AGAP3: variants seen among roughly 807,000 people sequenced by gnomAD.
AGAP3 encodes the protein ArfGAP with GTPase domain, ankyrin repeat and PH domain 3, also known as arf-GAP with GTPase, ANK repeat and PH domain-containing protein 3.
Under a neutral mutation model 96.9 loss-of-function variants are expected in AGAP3, and 24 were observed. That is an observed-to-expected ratio of 0.25 (90% CI 0.18 to 0.35). The LOEUF is 0.35. AGAP3 is among the 10% of genes least tolerant of loss of function. The pLI is 1.00. For missense variants in AGAP3, 876 were observed against 1,254.2 expected (o/e 0.70, Z 4.55); for synonymous variants, 563 against 536.1 (o/e 1.05, Z -0.69).
In AGAP3 at chr7:151,142,678, G is replaced by A. The variant is rs769329146; in HGVS notation, c.2273+44G>A. 1.5e-5 allele frequency: 23 copies of A among 1,574,744 alleles called. No individual in the cohort carries two copies. The highest frequency in any genetic ancestry group is 2.2e-4 in the Middle Eastern group (1 of 4,500). ...GGAGCTGGCCAGGAATGGGGGAAGC[G>A]TTGGGGGCTCCCAGCATGGGGAAGA... On this transcript the variant is annotated intron_variant, in intron 16 of 17. Coordinates refer to ENST00000397238, the MANE Select transcript of AGAP3 (RefSeq NM_031946.7). This position sits in a 1 kb window ranked among gnomAD's most constrained non-coding sequence, Gnocchi z 7.5.
intron 11 of AGAP3, among the ~76,000 whole-genome samples, chr7:151,135,038 T>A (rs1490048987): frequency 1.3e-5 from 2 of 152,086 alleles, no homozygotes; most frequent in Non-Finnish European, 2.9e-5. Flanking sequence ...TTAGACAGGA[T>A]CTGGAGGCAA....
At chr7:151,120,169 G>A (rs771446520) in intron 8 of AGAP3, 24 bp downstream of exon 8, 9 of 1,568,782 alleles carry the variant, frequency 5.7e-6, no homozygotes, top group East Asian at 4.5e-5. Context: ...CTCCTCCCCC[G>A]CCCAGCTGCC....
At position 151,144,010 on chromosome 7, in the gene AGAP3, C is replaced by T. The variant is rs879846770; in HGVS notation, c.*67C>T. On this transcript the variant is annotated 3_prime_UTR_variant, in exon 18 of 18. Transcript: ENST00000397238. ...CCAAAGACCCTCCTCCCTGCAGGCA[C>T]TGTGGGAACAGACACAGAGATGGAG... The T allele has an allele frequency of 2.6e-5, 38 of 1,477,192 alleles. No homozygotes were observed. The highest frequency in any genetic ancestry group is 6.0e-5 in the South Asian group (5 of 83,078). The allele number at this position is 1,477,192 out of a possible 1,614,324, so 91.5% of individuals were successfully genotyped here. A position where few individuals can be genotyped will look rare whatever the true frequency, so the allele number is the denominator to read the frequency against.
intron 10 of AGAP3, 103 bp downstream of exon 10, chr7:151,128,787 G>C (rs1800286555): frequency 1.0e-6 from 1 of 974,602 alleles, no homozygotes; most frequent in Non-Finnish European, 1.6e-6. Flanking sequence ...ACGGGAAGCA[G>C]ACCTTAGTGA....
chr7:151,103,724 G>C (rs1032369620), intron 1 of AGAP3, among the ~76,000 whole-genome samples: 2 of 152,132 alleles, frequency 1.3e-5, no homozygotes, highest in African/African-American at 4.8e-5. Flanking sequence ...CTTCCCCAGC[G>C]ATGCCTGAAA....
Position 151,143,353 on chromosome 7 carries a change from A to G in AGAP3, c.2286A>G (p.Glu762=). The change falls in exon 17 of 18, where the codon GAA becomes GAG. Residue 762 remains glutamate (E), a synonymous_variant. Coordinates refer to ENST00000397238, the MANE Select transcript of AGAP3 (RefSeq NM_031946.7). This position sits in a 1 kb window ranked among gnomAD's most constrained non-coding sequence, Gnocchi z 5.9. The stretch of plus-strand genomic sequence containing the variant: ...CCTGTGGTTGCAGAGAGGAGAAGGA[A>G]CGCTGGATACGGGCCAAGTATGAAC... ...PGPDACREEK[E]RWIRAKYEQK... 1 of 1,611,800 alleles carries G rather than the reference A, an allele frequency of 6.2e-7. No individual in the cohort carries two copies. Among genetic ancestry groups the G allele is most frequent in the Non-Finnish European group, 8.5e-7 (1 of 1,178,426 alleles).
chr7:151,087,232 CG>C (rs1244136054), intron 1 of AGAP3, 160 bp downstream of exon 1: 3 of 739,520 alleles, frequency 4.1e-6, no homozygotes, highest in African/African-American at 1.8e-5. Flanking sequence ...GCAGAACCGG[CG>C]GGCAGCTTCG....
intron 1 of AGAP3, among the ~76,000 whole-genome samples, chr7:151,109,201 AAAC>A (rs1207201845): frequency 2.0e-5 from 3 of 151,406 alleles, no homozygotes; most frequent in Non-Finnish European, 4.4e-5. Flanking sequence ...AAAACAAAGA[AAAC>A]AAAGAAAAAA....
Position 151,138,315 on chromosome 7 carries a change from T to C in AGAP3, c.1666+2T>C, listed in dbSNP as rs996319556. Reference sequence around the variant, plus strand: ...TGCCCCCAGGCATGCAGCACCCTGGTGAGTGGTGGCTCTGCTGCTTCCCAC... The same window carrying C: ...TGCCCCCAGGCATGCAGCACCCTGGCGAGTGGTGGCTCTGCTGCTTCCCAC... On this transcript the variant is annotated splice_donor_variant, in intron 12 of 17. Transcript: ENST00000397238. LOFTEE classifies it high-confidence loss of function. 6.2e-7 allele frequency: 1 copy of C among 1,608,040 alleles called. No homozygotes were observed. Among genetic ancestry groups the C allele is most frequent in the Non-Finnish European group, 8.5e-7 (1 of 1,176,936 alleles).
At chr7:151,111,125 G>GC (rs1481828152) in intron 1 of AGAP3, among the ~76,000 whole-genome samples, 2 of 152,202 alleles carry the variant, frequency 1.3e-5, no homozygotes, top group Non-Finnish European at 2.9e-5. Context: ...TCTTGGTGTG[G>GC]CCCCCACTGC....
In AGAP3 at chr7:151,118,081, C is replaced by T. The variant is rs180977569; in HGVS notation, c.707-129C>T. On this transcript the variant is annotated intron_variant, in intron 5 of 17. Coordinates refer to ENST00000397238, the MANE Select transcript of AGAP3 (RefSeq NM_031946.7). The surrounding 1 kb of genome is among the most constrained non-coding windows in gnomAD (Gnocchi z 6.1). ...GGTTGAAATGAGACCCAGGCACCCGCGTTCTTGGTGCTCTGTGTGTTCCAC... is the reference window on the plus strand; with the variant it reads ...GGTTGAAATGAGACCCAGGCACCCGTGTTCTTGGTGCTCTGTGTGTTCCAC... 2.3e-5 allele frequency: 30 copies of T among 1,277,218 alleles called. No individual in the cohort carries two copies. The highest frequency in any genetic ancestry group is 2.2e-4 in the African/African-American group (15 of 66,840). 79.1% of individuals were successfully genotyped at this position (1,277,218 alleles called of 1,614,324 possible).
intron 1 of AGAP3, among the ~76,000 whole-genome samples, chr7:151,094,675 C>T (rs1214735522): frequency 6.6e-6 from 1 of 151,920 alleles, no homozygotes; most frequent in African/African-American, 2.4e-5. Context: ...TGGTTTGTTC[C>T]TCTTTTTCTT....
chr7:151,117,936 G>A, intron 5 of AGAP3, 159 bp downstream of exon 5: 1 of 1,135,634 alleles, frequency 8.8e-7, no homozygotes, highest in Non-Finnish European at 1.2e-6. Context: ...CGTGTCTGAG[G>A]GCTTTTGCCC....
Position 151,114,726 on chromosome 7 carries a change from C to G in AGAP3, c.332-2067C>G. The G allele has an allele frequency of 2.0e-6, 2 of 1,006,660 alleles. No individual in the cohort carries two copies. The highest frequency in any genetic ancestry group is 2.4e-6 in the Non-Finnish European group (2 of 845,058). The allele number at this position is 1,006,660 out of a possible 1,614,324, so 62.4% of individuals were successfully genotyped here. ...CGCGGCCCCGGCCCGGGCCCAGCCC[C>G]GTGCCCCTCGCCATGGGCCTGGCCC... On this transcript the variant is annotated intron_variant, in intron 1 of 17. Coordinates refer to ENST00000397238, the MANE Select transcript of AGAP3 (RefSeq NM_031946.7). This position sits in a 1 kb window ranked among gnomAD's most constrained non-coding sequence, Gnocchi z 4.4.
At chr7:151,128,758 C>T (rs1339364674) in intron 10 of AGAP3, 74 bp downstream of exon 10, 2 of 1,289,556 alleles carry the variant, frequency 1.6e-6, no homozygotes, top group Non-Finnish European at 2.2e-6. Flanking sequence ...ATGCGGGTAG[C>T]AGACAGGCTC....
At chr7:151,088,229 A>G (rs1028482733) in intron 1 of AGAP3, among the ~76,000 whole-genome samples, 4 of 152,184 alleles carry the variant, frequency 2.6e-5, no homozygotes, top group Non-Finnish European at 5.9e-5. Context: ...GCCGGGGAAG[A>G]AGTACTGGGT....
Position 151,118,973 on chromosome 7 carries a change from C to G in AGAP3, c.969+341C>G, listed in dbSNP as rs1048266326. Among the ~76,000 whole-genome samples, 1 of 152,234 alleles carries G rather than the reference C, an allele frequency of 6.6e-6. No individual in the cohort carries two copies. The highest frequency in any genetic ancestry group is 2.4e-5 in the African/African-American group (1 of 41,458). ...TCAAGGCAGCAGCCACTGCACTTTACCTCTGCCAATGACCGTCATCTCTCC... is the reference window on the plus strand; with the variant it reads ...TCAAGGCAGCAGCCACTGCACTTTAGCTCTGCCAATGACCGTCATCTCTCC... On this transcript the variant is annotated intron_variant, in intron 7 of 17. Coordinates refer to ENST00000397238, the MANE Select transcript of AGAP3 (RefSeq NM_031946.7). This position sits in a 1 kb window ranked among gnomAD's most constrained non-coding sequence, Gnocchi z 6.1.
At chr7:151,103,146 T>G (rs1798901426) in intron 1 of AGAP3, among the ~76,000 whole-genome samples, 1 of 152,256 alleles carries the variant, frequency 6.6e-6, no homozygotes, top group Non-Finnish European at 1.5e-5. Flanking sequence ...CTCGTATTCC[T>G]GCAATTTTTG....
intron 1 of AGAP3, among the ~76,000 whole-genome samples, chr7:151,104,755 C>G (rs981270274): frequency 1.3e-5 from 2 of 152,234 alleles, no homozygotes; most frequent in Non-Finnish European, 2.9e-5. Context: ...CATTCACATG[C>G]CTCGGGAAGA....
Sources: allele counts gnomAD v4.1 joint callset (sites outside exome capture counted in the v4.1 genomes callset), GRCh38; gene constraint gnomAD v4.1.1; non-coding constraint Gnocchi (gnomAD v3.1); transcripts MANE v1.5; gene names NCBI Gene and HGNC (gene_info 2026-07-23, HGNC 2026-07-21).